ZNF723: variants seen among roughly 807,000 people sequenced by gnomAD.
The protein encoded by ZNF723 is zinc finger protein 723, also known as zinc finger protein 723, pseudogene.
In ZNF723, 5 loss-of-function variants were observed where a neutral mutation model predicts 9.4. The observed-to-expected ratio is 0.53, with a 90% CI of 0.28 to 1.12. ZNF723 has a LOEUF of 1.12. Among genes scored for constraint, ZNF723 ranks in the 50% most tolerant of loss-of-function variants. The probability of loss-of-function intolerance (pLI) is 0.10; values close to 1 mark genes in which losing one functional copy is unlikely to be tolerated. For synonymous variants in ZNF723, 158 were observed against 168.8 expected (o/e 0.94, Z 0.49); for missense variants, 450 against 501.5 (o/e 0.90, Z 0.98).
At chr19:22,843,586 C>T (rs1163162392) in intron 1 of ZNF723, among the ~76,000 whole-genome samples, 1 of 152,182 alleles carries the variant, frequency 6.6e-6, no homozygotes, top group Non-Finnish European at 1.5e-5. Context: ...TTAGACTAGA[C>T]TAGCAACTGA....
chr19:22,819,544 A>G, the ZNF723 span, among the ~76,000 whole-genome samples: 1 of 152,212 alleles, frequency 6.6e-6, no homozygotes, highest in Non-Finnish European at 1.5e-5. Flanking sequence ...CCCAGCACCT[A>G]TGTGATGTGA....
chr19:22,820,447 C>T, the ZNF723 span, among the ~76,000 whole-genome samples: 1 of 152,136 alleles, frequency 6.6e-6, no homozygotes, highest in Non-Finnish European at 1.5e-5. Context: ...TCTTCCGGGT[C>T]CCTTCTCTCA....
At chr19:22,834,927 G>T (rs555287445) in intron 1 of ZNF723, among the ~76,000 whole-genome samples, 3 of 152,268 alleles carry the variant, frequency 2.0e-5, no homozygotes, top group Non-Finnish European at 2.9e-5. Flanking sequence ...ACTCACTGGG[G>T]CATAGTGCAG....
chr19:22,858,388 T>C lies in ZNF723; in HGVS notation c.1497T>C (p.His499=). The change falls in exon 4 of 4, where the codon CAT becomes CAC. Residue 499 remains histidine, a synonymous_variant. Coordinates refer to ENST00000600766, the MANE Select transcript of ZNF723 (RefSeq NM_001349726.2). ...AFNKSSILNR[H]KIIHTKEKSQ... The stretch of plus-strand genomic sequence containing the variant: ...ACAAGTCCTCAATTCTTAACAGACA[T>C]AAGATAATTCATACTAAAGAGAAAT... 1 of 808,898 alleles carries C rather than the reference T, an allele frequency of 1.2e-6. No individual in the cohort carries two copies. The highest frequency in any genetic ancestry group is 2.0e-6 in the Non-Finnish European group (1 of 490,896). 50.1% of individuals were successfully genotyped at this position (808,898 alleles called of 1,614,324 possible). A position where few individuals can be genotyped will look rare whatever the true frequency, so the allele number is the denominator to read the frequency against.
At chr19:22,837,868 C>T (rs982197841) in intron 1 of ZNF723, among the ~76,000 whole-genome samples, 3 of 152,138 alleles carry the variant, frequency 2.0e-5, no homozygotes, top group Non-Finnish European at 2.9e-5. Context: ...TCCCTACCCC[C>T]AGACACTGAA....
At chr19:22,825,491 T>A in the ZNF723 span, among the ~76,000 whole-genome samples, 1 of 152,266 alleles carries the variant, frequency 6.6e-6, no homozygotes, top group African/African-American at 2.4e-5. Context: ...GATGGTGTTG[T>A]GACATGAATT....
chr19:22,852,508 A>G (rs1020110355), intron 3 of ZNF723, among the ~76,000 whole-genome samples: 1 of 152,032 alleles, frequency 6.6e-6, no homozygotes, highest in South Asian at 2.1e-4. Context: ...GTTTGTTGTG[A>G]ATGGTTGTTT....
the ZNF723 span, among the ~76,000 whole-genome samples, chr19:22,822,744 C>T: frequency 1.3e-5 from 2 of 152,114 alleles, no homozygotes; most frequent in Admixed American, 1.3e-4. Flanking sequence ...TGCCTGTAGT[C>T]CCAGCTACTC....
intron 1 of ZNF723, among the ~76,000 whole-genome samples, chr19:22,834,953 G>A (rs1967146454): frequency 6.6e-6 from 1 of 152,090 alleles, no homozygotes; most frequent in African/African-American, 2.4e-5. Context: ...CCTCAGAGGG[G>A]GTCATTGAGC....
chr19:22,827,872 C>T (rs373822278), upstream of ZNF723, among the ~76,000 whole-genome samples: 1 of 151,942 alleles, frequency 6.6e-6, no homozygotes, highest in Admixed American at 6.6e-5. Flanking sequence ...GTCGTGAGTT[C>T]GAGACCAGCC....
chr19:22,852,497 G>A (rs1163427409), intron 3 of ZNF723, among the ~76,000 whole-genome samples: 1 of 151,972 alleles, frequency 6.6e-6, no homozygotes, highest in East Asian at 1.9e-4. Context: ...TTTTTGTGTA[G>A]GTTTGTTGTG....
At chr19:22,832,152 A>T (rs561952009), upstream of ZNF723, among the ~76,000 whole-genome samples, 1 of 152,146 alleles carries the variant, frequency 6.6e-6, no homozygotes, top group Non-Finnish European at 1.5e-5. Context: ...TGAACCCAGC[A>T]TCTGATCACA....
At chr19:22,817,105 G>A in the ZNF723 span, among the ~76,000 whole-genome samples, 2 of 152,210 alleles carry the variant, frequency 1.3e-5, no homozygotes, top group African/African-American at 2.4e-5. Context: ...TGAAAATATG[G>A]CTGAATCCAA....
chr19:22,838,565 A>T (rs1055564182), intron 1 of ZNF723, among the ~76,000 whole-genome samples: 1 of 152,052 alleles, frequency 6.6e-6, no homozygotes, highest in African/African-American at 2.4e-5. Flanking sequence ...AAGAAAAAAA[A>T]AGAACATGCA....
chr19:22,842,009 T>C (rs919462387), intron 1 of ZNF723, among the ~76,000 whole-genome samples: 1 of 152,112 alleles, frequency 6.6e-6, no homozygotes, highest in African/African-American at 2.4e-5. Context: ...TGTTTTGTTG[T>C]TGTTGTTGTT....
At chr19:22,828,981 T>G (rs111422103), upstream of ZNF723, among the ~76,000 whole-genome samples, 23,200 of 152,004 alleles carry the variant, frequency 0.15, 1,821 homozygotes, top group Non-Finnish European at 0.18. Flanking sequence ...AAGACCAGTC[T>G]GGCCAACATG....
chr19:22,813,899 G>C, the ZNF723 span, among the ~76,000 whole-genome samples: 54,092 of 150,610 alleles, frequency 0.36, 10,134 homozygotes, highest in African/African-American at 0.49. Context: ...ACAACCTCCA[G>C]CTCCCAGGTT....
intron 1 of ZNF723, among the ~76,000 whole-genome samples, chr19:22,836,146 C>T (rs997977476): frequency 6.6e-5 from 10 of 152,038 alleles, no homozygotes; most frequent in Non-Finnish European, 1.3e-4. Context: ...TTAAAGGCAC[C>T]GTTAGTTCTT....
Position 22,857,478 on chromosome 19 carries a change from C to T in ZNF723, c.587C>T (p.Thr196Ile). 9.1e-7 allele frequency: 1 copy of T among 1,102,382 alleles called. No individual in the cohort carries two copies. The highest frequency in any genetic ancestry group is 1.4e-6 in the Non-Finnish European group (1 of 719,400). The allele number at this position is 1,102,382 out of a possible 1,614,324, so 68.3% of individuals were successfully genotyped here. Residue 196 changes from threonine to isoleucine, a missense_variant, in exon 4 of 4, where the codon ACT becomes ATT. Physicochemically the swap from Thr to Ile is moderately conservative, Grantham distance 89. This residue lies in a region of ZNF723 where 143 missense variants were observed against 101.3 expected (regional missense o/e 1.41). Coordinates refer to ENST00000600766, the MANE Select transcript of ZNF723 (RefSeq NM_001349726.2). ...CTAACTAAACATGAAAGAAATCATA[C>T]TAGAGTGAATTGTTACAAATGTGAA... Reference protein sequence around the residue: ...SHLTKHERNHTRVNCYKCEEC... With the variant: ...SHLTKHERNHIRVNCYKCEEC...
Sources: gnomAD v4.1 joint callset for allele counts (sites outside exome capture counted in the v4.1 genomes callset) on GRCh38, gnomAD v4.1.1 for gene constraint, gnomAD v4.1.1 regional missense constraint, MANE v1.5 for transcripts, NCBI Gene and HGNC (gene_info 2026-07-23, HGNC 2026-07-21) for gene names.